The following TLN2 variants were observed in gnomAD, a reference collection of about 807,000 sequenced individuals.
TLN2 encodes the protein talin-2.
A neutral mutation model predicts 294.7 loss-of-function variants in TLN2; 118 were observed. The ratio of observed to expected loss-of-function variants is 0.40; its 90% CI spans 0.34 to 0.47. TLN2 has a LOEUF of 0.47. TLN2 is among the 20% of genes least tolerant of loss of function. TLN2 has a pLI of 0.84. For synonymous variants in TLN2, 1,431 were observed against 1,304.5 expected (o/e 1.10, Z -2.09); for missense variants, 3,083 against 3,282.2 (o/e 0.94, Z 1.48).
At chr15:62,438,602 G>T (rs915655734) in intron 1 of TLN2, among the ~76,000 whole-genome samples, 2 of 152,192 alleles carry the variant, frequency 1.3e-5, no homozygotes, top group African/African-American at 4.8e-5. Context: ...GTGTAAGAGG[G>T]AAGTAGGGAG....
chr15:62,684,634 G>A (rs1247246723), intron 11 of TLN2, among the ~76,000 whole-genome samples: 1 of 151,438 alleles, frequency 6.6e-6, no homozygotes, highest in Non-Finnish European at 1.5e-5. Context: ...TGGTGAGGGC[G>A]GTTGGGGGTG....
chr15:62,475,770 A>G (rs2037752108), intron 1 of TLN2, among the ~76,000 whole-genome samples: 1 of 152,172 alleles, frequency 6.6e-6, no homozygotes, highest in Non-Finnish European at 1.5e-5. Flanking sequence ...GTCATTTGGG[A>G]TTAAGGAGAG....
chr15:62,441,548 G>A (rs997568765), intron 1 of TLN2, among the ~76,000 whole-genome samples: 4 of 152,186 alleles, frequency 2.6e-5, no homozygotes, highest in African/African-American at 7.2e-5. Context: ...CTGTTGGGGC[G>A]GGAGGACGTT....
chr15:62,755,474 G>A lies in TLN2; in HGVS notation c.4477-58G>A, dbSNP rs571337700. The A allele has an allele frequency of 7.6e-6, 12 of 1,574,752 alleles. No individual in the cohort carries two copies. In the South Asian group the frequency reaches 1.4e-4, roughly 19 times the overall value. ...ACAGGAACCCAGGGCTGAGGACCGGGGTGGACCCCTCTGCACTGTAGCATG... is the reference window on the plus strand; with the variant it reads ...ACAGGAACCCAGGGCTGAGGACCGGAGTGGACCCCTCTGCACTGTAGCATG... On this transcript the variant is annotated intron_variant, in intron 36 of 58. Coordinates refer to ENST00000636159, the MANE Select transcript of TLN2 (RefSeq NM_015059.3).
intron 1 of TLN2, among the ~76,000 whole-genome samples, chr15:62,413,937 A>G (rs968059049): frequency 6.9e-5 from 7 of 101,572 alleles, no homozygotes; most frequent in Non-Finnish European, 1.4e-4. Flanking sequence ...GGCAGGAACC[A>G]AGCCCTTTAT....
intron 4 of TLN2, 38 bp from the exon 5 acceptor site, chr15:62,650,046 C>A (rs762863023): frequency 6.2e-7 from 1 of 1,605,372 alleles, no homozygotes; most frequent in South Asian, 1.1e-5. Context: ...GCTTCATCAC[C>A]ACTTTGCCTT....
At chr15:62,836,524 T>C (rs2069621128) in intron 57 of TLN2, among the ~76,000 whole-genome samples, 1 of 152,222 alleles carries the variant, frequency 6.6e-6, no homozygotes, top group Non-Finnish European at 1.5e-5. Flanking sequence ...GCCTCTCTCA[T>C]ACGTTACTAA....
intron 48 of TLN2, among the ~76,000 whole-genome samples, 181 bp from the exon 49 acceptor site, chr15:62,800,187 G>A (rs1333051030): frequency 6.6e-6 from 1 of 152,218 alleles, no homozygotes; most frequent in African/African-American, 2.4e-5. Context: ...GCTTTTCAAA[G>A]TCCTGAGTCC....
At chr15:62,623,550 A>C (rs2049016241) in intron 3 of TLN2, among the ~76,000 whole-genome samples, 1 of 152,224 alleles carries the variant, frequency 6.6e-6, no homozygotes, top group Admixed American at 6.5e-5. Context: ...AATGCATCGT[A>C]CCTAAATTAA....
intron 1 of TLN2, among the ~76,000 whole-genome samples, chr15:62,473,663 G>A (rs566588594): frequency 2.0e-5 from 3 of 152,326 alleles, no homozygotes; most frequent in African/African-American, 4.8e-5. Context: ...GAAGCAGAGG[G>A]CTTCAATAGT....
In TLN2 at chr15:62,541,021, T is replaced by G. The variant is rs118186523; in HGVS notation, c.-237-48666T>G. On this transcript the variant is annotated intron_variant, in intron 1 of 58. Transcript: ENST00000636159. ...CCAGGTCAGGTGAGAGTCATGTGCT[T>G]TAGGAACTAGGCTGTGAACTTCTAA... is the stretch of plus-strand genomic sequence containing the variant. Among the ~76,000 whole-genome samples the G allele has an allele frequency of 4.1e-3, 626 of 152,228 alleles. 2 individuals carry two copies. Among genetic ancestry groups the G allele is most frequent in the Middle Eastern group, 6.8e-3 (2 of 294 alleles).
intron 2 of TLN2, among the ~76,000 whole-genome samples, chr15:62,596,197 G>A (rs537440754): frequency 1.3e-3 from 190 of 145,834 alleles, no homozygotes; most frequent in Non-Finnish European, 2.0e-3. Context: ...CCCAGGAGGC[G>A]GAGCTTGCAG....
intron 1 of TLN2, among the ~76,000 whole-genome samples, chr15:62,458,022 A>T (rs1269875716): frequency 6.6e-6 from 1 of 152,236 alleles, no homozygotes; most frequent in Non-Finnish European, 1.5e-5. Context: ...CAACGACATG[A>T]TGGTCAGGTC....
At chr15:62,710,724 T>G (rs1481521070) in intron 21 of TLN2, among the ~76,000 whole-genome samples, 39 of 78,996 alleles carry the variant, frequency 4.9e-4, no homozygotes, top group African/African-American at 2.2e-3. Flanking sequence ...GATGTCCTTT[T>G]TTTTTTTTTT....
In TLN2 at chr15:62,690,690, G is replaced by A. The variant is rs1380429004; in HGVS notation, c.1114-2150G>A. On this transcript the variant is annotated intron_variant, in intron 12 of 58. Transcript: ENST00000636159. Reference sequence around the variant, plus strand: ...TGGGAGGTGGATGTTGTAGCGAGCCGAGATCACGCCACTGCACTCCAGCCT... The same window carrying A: ...TGGGAGGTGGATGTTGTAGCGAGCCAAGATCACGCCACTGCACTCCAGCCT... Among the ~76,000 whole-genome samples, 3 of 148,970 alleles carry A rather than the reference G, an allele frequency of 2.0e-5. 1 individual carries two copies. The highest frequency in any genetic ancestry group is 7.8e-5 in the African/African-American group (3 of 38,482).
At chr15:62,652,472 G>C (rs574449205) in intron 6 of TLN2, among the ~76,000 whole-genome samples, 1 of 152,160 alleles carries the variant, frequency 6.6e-6, no homozygotes, top group African/African-American at 2.4e-5. Context: ...TACTTACGAT[G>C]ACAGCCCACA....
At chr15:62,412,239 G>A (rs1241547638) in intron 1 of TLN2, among the ~76,000 whole-genome samples, 1 of 152,130 alleles carries the variant, frequency 6.6e-6, no homozygotes, top group Non-Finnish European at 1.5e-5. Flanking sequence ...ACTAAATTTG[G>A]GGAAAGGCTT....
chr15:62,660,754 A>C (rs1337735851), intron 9 of TLN2, among the ~76,000 whole-genome samples: 1 of 152,142 alleles, frequency 6.6e-6, no homozygotes, highest in Admixed American at 6.6e-5. Flanking sequence ...GAACTTGCAG[A>C]TGTGTTTTAT....
chr15:62,652,111 T>C lies in TLN2; in HGVS notation c.341T>C (p.Leu114Pro). The change falls in exon 6 of 59, where the codon CTG becomes CCG. Residue 114 changes from leucine to proline, a missense_variant. By Grantham distance (98) the Leu-to-Pro change is moderately conservative. Transcript: ENST00000636159. Reference protein sequence around the residue: ...VDDSKTVGELLVTICSRIGIT... With the variant: ...VDDSKTVGELPVTICSRIGIT... ...GATTCCAAGACTGTGGGGGAGCTCC[T>C]GGTCACTATTTGTAGCAGAATAGGT... The C allele has an allele frequency of 6.2e-7, 1 of 1,604,214 alleles. No individual in the cohort carries two copies. Among genetic ancestry groups the C allele is most frequent in the Non-Finnish European group, 8.5e-7 (1 of 1,174,736 alleles).
Sources: gnomAD v4.1 joint callset for allele counts (sites outside exome capture counted in the v4.1 genomes callset) on GRCh38, gnomAD v4.1.1 for gene constraint, MANE v1.5 for transcripts, NCBI Gene and HGNC (gene_info 2026-07-23, HGNC 2026-07-21) for gene names.